The following UNC5D variants were observed in gnomAD, a reference collection of about 807,000 sequenced individuals.
The protein encoded by UNC5D is unc-5 netrin receptor D.
In UNC5D, 39 loss-of-function variants were observed where a neutral mutation model predicts 105.4. The observed-to-expected ratio is 0.37, with a 90% CI of 0.29 to 0.48. The LOEUF (loss-of-function observed/expected upper bound fraction) is 0.48, where lower values mean the gene tolerates loss of function less well. Ranked by LOEUF, UNC5D falls within the 20% of genes least tolerant of loss-of-function variation. The pLI is 0.98. For missense variants in UNC5D, 991 were observed against 1,202.4 expected (o/e 0.82, Z 2.60); for synonymous variants, 452 against 450.4 (o/e 1.00, Z -0.04).
chr8:35,446,848 A>T (rs1041915927), intron 1 of UNC5D, among the ~76,000 whole-genome samples: 1 of 152,086 alleles, frequency 6.6e-6, no homozygotes, highest in Non-Finnish European at 1.5e-5. Flanking sequence ...ACAGAATCTC[A>T]GTTGCATGTG....
chr8:35,594,297 GTGCTTGTTATTCATTGAGTGTTTTTGACT>G (rs1819358422), intron 3 of UNC5D, among the ~76,000 whole-genome samples: 1 of 152,204 alleles, frequency 6.6e-6, no homozygotes, highest in Middle Eastern at 3.2e-3. Flanking sequence ...ATGGCTTGCC[GTGCTTGTTATTCATTGAGTGTTTTTGACT>G]TGCTAAAGGC....
At chr8:35,673,275 T>A (rs1302824130) in intron 4 of UNC5D, among the ~76,000 whole-genome samples, 1 of 152,206 alleles carries the variant, frequency 6.6e-6, no homozygotes, top group African/African-American at 2.4e-5. Context: ...AGGTGACATC[T>A]AATCTGAAAG....
intron 1 of UNC5D, among the ~76,000 whole-genome samples, chr8:35,434,975 A>G (rs1226269645): frequency 2.6e-5 from 4 of 152,072 alleles, no homozygotes; most frequent in Non-Finnish European, 4.4e-5. Flanking sequence ...TATTCTGGCC[A>G]TATCTTCATC....
chr8:35,364,204 ATTCT>A lies in UNC5D; in HGVS notation c.103+128322_103+128325del, dbSNP rs763134036. Among the ~76,000 whole-genome samples, 10 of 152,080 alleles carry A rather than the reference ATTCT, an allele frequency of 6.6e-5. No homozygotes were observed. The East Asian group carries it at 7.7e-4, about 12-fold the overall frequency. On this transcript the variant is annotated intron_variant, in intron 1 of 16. Coordinates refer to ENST00000404895, the MANE Select transcript of UNC5D (RefSeq NM_080872.4). ...TTAGACAAATAAATAAATTTTCATT[ATTCT>A]TTCTATATTTGTCACTTGGTACTCT...
At chr8:35,458,902 G>A (rs898525437) in intron 1 of UNC5D, among the ~76,000 whole-genome samples, 3 of 152,158 alleles carry the variant, frequency 2.0e-5, no homozygotes, top group Non-Finnish European at 4.4e-5. Flanking sequence ...TAAAGACCAA[G>A]ACATTGTGGG....
At chr8:35,329,664 A>C (rs2128892890) in intron 1 of UNC5D, among the ~76,000 whole-genome samples, 1 of 152,242 alleles carries the variant, frequency 6.6e-6, no homozygotes, top group East Asian at 1.9e-4. Flanking sequence ...AGTTTAAAAA[A>C]AATTAAGAAA....
rs536239598 is a variant in UNC5D at position 35,567,703 on chromosome 8, G to A, written c.323-395G>A. Among the ~76,000 whole-genome samples the A allele has an allele frequency of 1.6e-4, 24 of 152,186 alleles. No individual in the cohort carries two copies. In the East Asian group the frequency reaches 2.9e-3, roughly 18 times the overall value. The stretch of plus-strand genomic sequence containing the variant: ...CTCACCCCAGCTGCCAAACCCAGAC[G>A]TAGGGGCACTTAGAACAACTTGGAA... On this transcript the variant is annotated intron_variant, in intron 2 of 16. Coordinates refer to ENST00000404895, the MANE Select transcript of UNC5D (RefSeq NM_080872.4).
rs539470779 is a variant in UNC5D, at chr8:35,572,267, G to A, written c.466+4026G>A. ...TGTGCCATTGCACTCCAGCCTGAGC[G>A]AGACTGTCAAAAAAAAAAAAAAAAA... On this transcript the variant is annotated intron_variant, in intron 3 of 16. Coordinates refer to ENST00000404895, the MANE Select transcript of UNC5D (RefSeq NM_080872.4). 8.5e-5 allele frequency among the ~76,000 whole-genome samples: 8 copies of A among 94,186 alleles called. No homozygotes were observed. In the East Asian group the frequency reaches 2.1e-3, roughly 24 times the overall value. 61.8% of individuals were successfully genotyped at this position (94,186 alleles called of 152,430 possible). A position where few individuals can be genotyped will look rare whatever the true frequency, so the allele number is the denominator to read the frequency against.
chr8:35,684,880 G>C (rs979200386), intron 6 of UNC5D, 131 bp downstream of exon 6: 146 of 1,192,912 alleles, frequency 1.2e-4, no homozygotes, highest in Non-Finnish European at 8.5e-5. Context: ...ATTTATCCAA[G>C]GTGCTAATGT....
chr8:35,454,864 G>A (rs987489685), intron 1 of UNC5D, among the ~76,000 whole-genome samples: 2 of 152,140 alleles, frequency 1.3e-5, no homozygotes, highest in Admixed American at 6.6e-5. Context: ...CCGTACACGG[G>A]TGAGGAATTG....
intron 2 of UNC5D, among the ~76,000 whole-genome samples, chr8:35,566,305 C>T (rs1180397400): frequency 6.6e-6 from 1 of 152,142 alleles, no homozygotes; most frequent in Non-Finnish European, 1.5e-5. Context: ...TTTCCCCAGC[C>T]TGACTAATCC....
chr8:35,519,498 C>G (rs1034183179), intron 1 of UNC5D, among the ~76,000 whole-genome samples: 1 of 151,946 alleles, frequency 6.6e-6, no homozygotes, highest in Non-Finnish European at 1.5e-5. Flanking sequence ...ATATGTTGTA[C>G]AAAGGCATAT....
At chr8:35,356,370 G>A (rs752836957) in intron 1 of UNC5D, among the ~76,000 whole-genome samples, 15 of 151,962 alleles carry the variant, frequency 9.9e-5, no homozygotes, top group Non-Finnish European at 1.8e-4. Flanking sequence ...TACAATCCCC[G>A]TTGGATGCCT....
intron 11 of UNC5D, among the ~76,000 whole-genome samples, chr8:35,739,966 G>A (rs1829673837): frequency 6.6e-6 from 1 of 152,138 alleles, no homozygotes. Context: ...CAACCTCCAG[G>A]ACTCCATAAA....
intron 1 of UNC5D, among the ~76,000 whole-genome samples, chr8:35,381,882 T>C (rs1342269186): frequency 1.3e-5 from 2 of 152,224 alleles, no homozygotes; most frequent in Non-Finnish European, 2.9e-5. Flanking sequence ...GTCACAGATT[T>C]CTGTTGCTTT....
intron 1 of UNC5D, among the ~76,000 whole-genome samples, chr8:35,299,670 A>C (rs575836647): frequency 1.5e-4 from 23 of 152,352 alleles, no homozygotes; most frequent in African/African-American, 4.3e-4. Context: ...TAATTTATGC[A>C]AAAGATCTAC....
intron 1 of UNC5D, among the ~76,000 whole-genome samples, chr8:35,358,892 T>C (rs1421965467): frequency 6.6e-6 from 1 of 152,222 alleles, no homozygotes; most frequent in East Asian, 1.9e-4. Flanking sequence ...TAAGCTTTTA[T>C]TGGCACTGGG....
intron 1 of UNC5D, among the ~76,000 whole-genome samples, chr8:35,407,086 CAT>C (rs984300685): frequency 6.6e-6 from 1 of 152,062 alleles, no homozygotes; most frequent in Non-Finnish European, 1.5e-5. Flanking sequence ...TCTATATTTA[CAT>C]ATGTTTATAT....
At chr8:35,277,237 A>G (rs1805836880) in intron 1 of UNC5D, among the ~76,000 whole-genome samples, 1 of 152,334 alleles carries the variant, frequency 6.6e-6, no homozygotes, top group Non-Finnish European at 1.5e-5. Flanking sequence ...TGATCTGGGA[A>G]CAACTGTGCT....
Sources: gnomAD v4.1 joint callset for allele counts (sites outside exome capture counted in the v4.1 genomes callset) on GRCh38, gnomAD v4.1.1 for gene constraint, MANE v1.5 for transcripts, NCBI Gene and HGNC (gene_info 2026-07-23, HGNC 2026-07-21) for gene names.